Variants in ANK2 observed in about 807,000 individuals in gnomAD.
ANK2 encodes the protein ankyrin-2.
In ANK2, 83 loss-of-function variants were observed where a neutral mutation model predicts 360.5. That is an observed-to-expected ratio of 0.23 (90% CI 0.19 to 0.28). The LOEUF (loss-of-function observed/expected upper bound fraction) is 0.28. Ranked by LOEUF, ANK2 falls within the 10% of genes least tolerant of loss-of-function variation. The pLI is 1.00. For missense variants in ANK2, 4,201 were observed against 4,795.7 expected (o/e 0.88, Z 3.66); for synonymous variants, 1,740 against 1,759.5 (o/e 0.99, Z 0.28).
At chr4:113,099,736 A>G (rs1415662448) in intron 1 of ANK2, among the ~76,000 whole-genome samples, 1 of 152,106 alleles carries the variant, frequency 6.6e-6, no homozygotes, top group Non-Finnish European at 1.5e-5. Flanking sequence ...ATATAAAGCT[A>G]TAGTAATCAA....
intron 1 of ANK2, among the ~76,000 whole-genome samples, chr4:113,146,470 A>C (rs2096839891): frequency 6.6e-6 from 1 of 152,168 alleles, no homozygotes; most frequent in Non-Finnish European, 1.5e-5. Flanking sequence ...ATTTCCCTCT[A>C]ATATTTGACT....
At chr4:113,208,918 A>T (rs1169650283) in intron 4 of ANK2, among the ~76,000 whole-genome samples, 1 of 152,022 alleles carries the variant, frequency 6.6e-6, no homozygotes, top group Non-Finnish European at 1.5e-5. Flanking sequence ...GTAAATGGTT[A>T]TTAAAGCAGT....
chr4:112,824,906 T>A lies in ANK2; in HGVS notation c.-40+6642T>A, dbSNP rs567542986. 7.0e-4 allele frequency among the ~76,000 whole-genome samples: 106 copies of A among 151,552 alleles called. No homozygotes were observed. In the Middle Eastern group the frequency reaches 0.01, roughly 15 times the overall value. The stretch of plus-strand genomic sequence containing the variant: ...TGTAATTATAATGCAGATTTTAAGA[T>A]GATTTGGTAAAAAAACCAGTTCTGT... On this transcript the variant is annotated intron_variant, in intron 1 of 30. Coordinates refer to the ANK2 transcript ENST00000503271.
In ANK2 at chr4:113,357,576, T is replaced by C. The variant is rs779012328; in HGVS notation, c.8958T>C (p.Ser2986=). The stretch of plus-strand genomic sequence containing the variant: ...GTGGAACTGTTTTAAGCAAAGAATC[T>C]AATTTTGAGGGCCAGGACATAAAAA... ...SSSGTVLSKE[S]NFEGQDIKME... Residue 2986 remains serine, a synonymous_variant, in exon 38 of 46, where the codon TCT becomes TCC. Transcript: ENST00000357077. 2.5e-6 allele frequency: 4 copies of C among 1,614,162 alleles called. No individual in the cohort carries two copies. Among genetic ancestry groups the C allele is most frequent in the Non-Finnish European group, 3.4e-6 (4 of 1,179,992 alleles).
intron 1 of ANK2, among the ~76,000 whole-genome samples, chr4:112,845,721 A>T (rs1416460467): frequency 6.6e-6 from 1 of 152,224 alleles, no homozygotes; most frequent in Non-Finnish European, 1.5e-5. Context: ...CATGTAATAG[A>T]GGCACCACCA....
chr4:112,720,127 C>T, the ANK2 span, among the ~76,000 whole-genome samples: 1 of 152,108 alleles, frequency 6.6e-6, no homozygotes, highest in Non-Finnish European at 1.5e-5. Context: ...TAATGTCAAC[C>T]AGGGTTCTAC....
chr4:113,162,448 T>G lies in ANK2; in HGVS notation c.85-11968T>G, dbSNP rs951478234. ...TTCTTTCCTGTTTCCAATATGATCTTTATAACTCCTTATACTGAATTTATA... is the reference window on the plus strand; with the variant it reads ...TTCTTTCCTGTTTCCAATATGATCTGTATAACTCCTTATACTGAATTTATA... On this transcript the variant is annotated intron_variant, in intron 1 of 45. Coordinates refer to ENST00000357077, the MANE Select transcript of ANK2 (RefSeq NM_001148.6). Among the ~76,000 whole-genome samples the G allele has an allele frequency of 2.0e-5, 3 of 152,196 alleles. 1 individual carries two copies. Among genetic ancestry groups the G allele is most frequent in the Admixed American group, 1.3e-4 (2 of 15,274 alleles).
rs1213175646 is a variant in ANK2, at chr4:113,315,184, AC to A, written c.2694-2522del. 3.3e-5 allele frequency among the ~76,000 whole-genome samples: 5 copies of A among 152,370 alleles called. No individual in the cohort carries two copies. The East Asian group carries it at 9.6e-4, about 29-fold the overall frequency. ...AATTGAGAGATAGACTCAGGTATCA[AC>A]TAAATGGATATCAAAATTTCACTTG... On this transcript the variant is annotated intron_variant, in intron 24 of 45. Transcript: ENST00000357077.
chr4:113,124,166 A>G (rs1403219807), intron 1 of ANK2, among the ~76,000 whole-genome samples: 1 of 152,196 alleles, frequency 6.6e-6, no homozygotes, highest in African/African-American at 2.4e-5. Context: ...TGAATTTAAA[A>G]TTATGTCTTA....
the ANK2 span, among the ~76,000 whole-genome samples, chr4:112,706,056 G>A: frequency 6.6e-6 from 1 of 150,908 alleles, no homozygotes; most frequent in Non-Finnish European, 1.5e-5. Flanking sequence ...ACTCCGGGCG[G>A]GCGCGGGCCG....
intron 4 of ANK2, among the ~76,000 whole-genome samples, chr4:113,222,713 A>G (rs917359995): frequency 3.9e-5 from 6 of 152,202 alleles, no homozygotes; most frequent in Admixed American, 2.6e-4. Context: ...ACAGGATGAC[A>G]CAGTAAACAC....
intron 1 of ANK2, among the ~76,000 whole-genome samples, chr4:113,102,713 T>C (rs1306760970): frequency 1.3e-5 from 2 of 152,160 alleles, no homozygotes; most frequent in Non-Finnish European, 2.9e-5. Flanking sequence ...CTGAGGACTG[T>C]CAAATCTCTA....
chr4:112,762,169 T>C, the ANK2 span, among the ~76,000 whole-genome samples: 1 of 152,316 alleles, frequency 6.6e-6, no homozygotes, highest in East Asian at 1.9e-4. Context: ...TATTGAAAGC[T>C]CAGAACTCAA....
chr4:112,911,234 G>T (rs1443852427), intron 2 of ANK2, among the ~76,000 whole-genome samples: 1 of 145,928 alleles, frequency 6.9e-6, no homozygotes, highest in African/African-American at 2.5e-5. Flanking sequence ...TCGGCTGGGC[G>T]CAGTGGCTCA....
chr4:112,927,010 A>G (rs1361660266), intron 2 of ANK2, among the ~76,000 whole-genome samples: 2 of 152,158 alleles, frequency 1.3e-5, no homozygotes, highest in Non-Finnish European at 2.9e-5. Flanking sequence ...AAGGAGAATG[A>G]GATCTGAGCA....
rs1266539877 is a variant in ANK2, at chr4:112,825,354, AAAAG to A, written c.-40+7098_-40+7101del. Among the ~76,000 whole-genome samples, 10 of 152,316 alleles carry A rather than the reference AAAAG, an allele frequency of 6.6e-5. No individual in the cohort carries two copies. The East Asian group carries it at 1.2e-3, about 18-fold the overall frequency. ...AAGGATAATAAAAAAAAAATTTAAA[AAAAG>A]AAAGAAAAAGACTATCCACTGTCCT... On this transcript the variant is annotated intron_variant, in intron 1 of 30. Coordinates refer to the ANK2 transcript ENST00000503271.
intron 2 of ANK2, among the ~76,000 whole-genome samples, chr4:113,185,329 A>G (rs1396748004): frequency 6.6e-5 from 10 of 152,206 alleles, no homozygotes; most frequent in Admixed American, 6.5e-4. Context: ...CACTCCCACC[A>G]ATACTGTAAA....
chr4:113,363,890 A>T (rs1231921552), intron 40 of ANK2, among the ~76,000 whole-genome samples: 2 of 152,188 alleles, frequency 1.3e-5, no homozygotes, highest in Non-Finnish European at 2.9e-5. Context: ...TGCTGGGTTA[A>T]GTTCCAGCCA....
At chr4:112,995,739 C>A (rs1051650531) in intron 2 of ANK2, among the ~76,000 whole-genome samples, 1 of 152,124 alleles carries the variant, frequency 6.6e-6, no homozygotes, top group Non-Finnish European at 1.5e-5. Flanking sequence ...ACATTTAAGT[C>A]CTTAATCTAT....
Sources: gnomAD v4.1 joint callset for allele counts (sites outside exome capture counted in the v4.1 genomes callset) on GRCh38, gnomAD v4.1.1 for gene constraint, MANE v1.5 for transcripts, NCBI Gene and HGNC (gene_info 2026-07-23, HGNC 2026-07-21) for gene names.